ITGA1: variants seen among roughly 807,000 people sequenced by gnomAD.
ITGA1 encodes the protein integrin alpha-1.
ITGA1 carries 85 observed loss-of-function variants against 145.9 expected under a neutral mutation model. The observed-to-expected ratio is 0.58, with a 90% CI of 0.49 to 0.70. The LOEUF (loss-of-function observed/expected upper bound fraction) is 0.70, where lower values mean the gene tolerates loss of function less well. ITGA1 is among the 30% of genes least tolerant of loss of function. The probability of loss-of-function intolerance (pLI) is 0.00; values close to 1 mark genes in which losing one functional copy is unlikely to be tolerated. For missense variants in ITGA1, 1,351 were observed against 1,418.7 expected (o/e 0.95, Z 0.77); for synonymous variants, 520 against 495.3 (o/e 1.05, Z -0.66).
Position 52,788,466 on chromosome 5 carries a change from G to A in ITGA1, c.61+52G>A, listed in dbSNP as rs7705797. The A allele has an allele frequency of 0.016, 21,495 of 1,386,032 alleles. 2,638 individuals carry two copies. The African/African-American group carries it at 0.28, about 18-fold the overall frequency. 85.9% of individuals were successfully genotyped at this position (1,386,032 alleles called of 1,614,324 possible). A position where few individuals can be genotyped will look rare whatever the true frequency, so the allele number is the denominator to read the frequency against. On this transcript the variant is annotated intron_variant, in intron 1 of 28. Coordinates refer to ENST00000282588, the MANE Select transcript of ITGA1 (RefSeq NM_181501.2). ...TCTCCTGCTCGCGGGCTTGGGGCTTGGAGCGGGGAGGGAGGTCCTCAGAGC... is the reference window on the plus strand; with the variant it reads ...TCTCCTGCTCGCGGGCTTGGGGCTTAGAGCGGGGAGGGAGGTCCTCAGAGC...
At chr5:52,845,821 C>A (rs998636711) in intron 1 of ITGA1, among the ~76,000 whole-genome samples, 3 of 152,154 alleles carry the variant, frequency 2.0e-5, no homozygotes, top group African/African-American at 7.2e-5. Context: ...TTATTTTATG[C>A]ATTTCTTGTA....
At chr5:52,853,417 T>C (rs749403389) in intron 2 of ITGA1, among the ~76,000 whole-genome samples, 6 of 152,194 alleles carry the variant, frequency 3.9e-5, no homozygotes, top group Non-Finnish European at 8.8e-5. Context: ...TTTTGTTATT[T>C]AATTATCTCT....
At chr5:52,851,393 T>C (rs1325848287) in intron 2 of ITGA1, among the ~76,000 whole-genome samples, 1 of 152,168 alleles carries the variant, frequency 6.6e-6, no homozygotes, top group African/African-American at 2.4e-5. Flanking sequence ...TATCCTATTG[T>C]GAGATTTCCA....
chr5:52,911,502 GATACACTATATATAGT>G (rs2111853882), intron 14 of ITGA1, among the ~76,000 whole-genome samples: 1 of 105,858 alleles, frequency 9.4e-6, no homozygotes, highest in African/African-American at 3.4e-5. Flanking sequence ...ATATATAGTA[GATACACTATATATAGT>G]ATATATATCT....
intron 1 of ITGA1, among the ~76,000 whole-genome samples, chr5:52,795,133 A>G (rs540582440): frequency 6.6e-6 from 1 of 152,002 alleles, no homozygotes; most frequent in Non-Finnish European, 1.5e-5. Context: ...TCTGAATTAA[A>G]GAAAAATTAA....
rs778070999 is a variant in ITGA1 at position 52,937,459 on chromosome 5, A to G, written c.3023A>G (p.Asn1008Ser). 65 of 1,613,726 alleles carry G rather than the reference A, an allele frequency of 4.0e-5. No homozygotes were observed. The highest frequency in any genetic ancestry group is 5.2e-5 in the Non-Finnish European group (61 of 1,179,788). ...CTTAAGCTGTCAATTTCATTCCCCAATATGACATCAAATGGTTACCCTGTG... is the reference window on the plus strand; with the variant it reads ...CTTAAGCTGTCAATTTCATTCCCCAGTATGACATCAAATGGTTACCCTGTG... Reference protein sequence around the residue: ...PELKLSISFPNMTSNGYPVLY... With the variant: ...PELKLSISFPSMTSNGYPVLY... Residue 1008 changes from asparagine to serine, a missense_variant, in exon 24 of 29, where the codon AAT (asparagine) becomes AGT (serine). By Grantham distance (46) the Asn-to-Ser change is conservative (BLOSUM62 1). Transcript: ENST00000282588.
chr5:52,910,495 C>T, intron 14 of ITGA1, 76 bp downstream of exon 14: 1 of 1,463,888 alleles, frequency 6.8e-7, no homozygotes, highest in East Asian at 2.3e-5. Context: ...TGTCTAACTT[C>T]ATGAGTTATT....
At chr5:52,895,426 C>A (rs1014263323) in intron 9 of ITGA1, among the ~76,000 whole-genome samples, 11 of 152,084 alleles carry the variant, frequency 7.2e-5, no homozygotes, top group Admixed American at 7.2e-4. Context: ...CTTGGCTGGC[C>A]TTAAGGAAAA....
intron 15 of ITGA1, among the ~76,000 whole-genome samples, chr5:52,915,928 A>G (rs1750640250): frequency 6.6e-6 from 1 of 152,210 alleles, no homozygotes; most frequent in Admixed American, 6.5e-5. Flanking sequence ...TTGGTTGCTT[A>G]CAAGGTTTTA....
At chr5:52,897,558 T>A in intron 10 of ITGA1, 30 bp downstream of exon 10, 1 of 1,573,988 alleles carries the variant, frequency 6.4e-7, no homozygotes, top group South Asian at 1.1e-5. Context: ...AAAAATGAAA[T>A]ATATGTTTGC....
chr5:52,863,843 T>A (rs1052779903), intron 3 of ITGA1: 2 of 152,214 alleles, frequency 1.3e-5, no homozygotes, highest in African/African-American at 4.8e-5. Flanking sequence ...TTATACAAGA[T>A]CAATGCATAC....
At chr5:52,808,118 C>T (rs556011135) in intron 1 of ITGA1, among the ~76,000 whole-genome samples, 7 of 152,206 alleles carry the variant, frequency 4.6e-5, no homozygotes, top group African/African-American at 1.2e-4. Context: ...TTCACTGGGA[C>T]TTGAGGATGT....
rs778434428 is a variant in ITGA1 at position 52,929,694 on chromosome 5, G to A, written c.2764G>A (p.Ala922Thr). Residue 922 changes from alanine (A) to threonine (T), a missense_variant, in exon 21 of 29, where the codon GCA (alanine) becomes ACA (threonine). Coordinates refer to ENST00000282588, the MANE Select transcript of ITGA1 (RefSeq NM_181501.2). ...GGAAAATGTGACCATTTATTTAAGTGCAACAAGGTTGGTTTACATGTGTAT... is the reference window on the plus strand; with the variant it reads ...GGAAAATGTGACCATTTATTTAAGTACAACAAGGTTGGTTTACATGTGTAT... ...LMENVTIYLS[A>T]TSDSEEPPET... The A allele has an allele frequency of 5.1e-6, 8 of 1,579,248 alleles. No individual in the cohort carries two copies. The highest frequency in any genetic ancestry group is 1.7e-4 in the Middle Eastern group (1 of 6,000).
chr5:52,801,318 T>C, intron 1 of ITGA1: 1 of 1,194,474 alleles, frequency 8.4e-7, no homozygotes, highest in South Asian at 1.5e-5. Flanking sequence ...ATATGAAGCC[T>C]TACTAGCGCT....
At chr5:52,797,429 C>G (rs1214263417) in intron 1 of ITGA1, among the ~76,000 whole-genome samples, 1 of 151,084 alleles carries the variant, frequency 6.6e-6, no homozygotes, top group East Asian at 1.9e-4. Flanking sequence ...AGATCTTTCT[C>G]TAAGAGTATG....
chr5:52,841,478 A>G (rs1350101608), intron 1 of ITGA1, among the ~76,000 whole-genome samples: 3 of 152,194 alleles, frequency 2.0e-5, no homozygotes, highest in African/African-American at 7.2e-5. Flanking sequence ...TTCAGATTTC[A>G]AACCAACTAG....
intron 13 of ITGA1, 57 bp from the exon 14 acceptor site, chr5:52,910,105 C>A (rs1750479464): frequency 1.3e-6 from 2 of 1,489,494 alleles, no homozygotes; most frequent in Non-Finnish European, 1.8e-6. Context: ...TTTAAAAATT[C>A]TACTCTGCTG....
chr5:52,916,731 C>T (rs1240941931), intron 15 of ITGA1, among the ~76,000 whole-genome samples: 1 of 152,140 alleles, frequency 6.6e-6, no homozygotes, highest in Admixed American at 6.5e-5. Flanking sequence ...GGCTCAAAAC[C>T]AGAAGTCAGC....
At position 52,820,487 on chromosome 5, in the gene ITGA1, C is replaced by T. The variant is rs562140033; in HGVS notation, c.62-28878C>T. Among the ~76,000 whole-genome samples the T allele has an allele frequency of 6.5e-3, 960 of 146,588 alleles. 11 individuals are homozygous for T. Among genetic ancestry groups the T allele is most frequent in the African/African-American group, 0.023 (919 of 39,424 alleles). The stretch of plus-strand genomic sequence containing the variant: ...TGTATACATATGTAACAAACCTGCA[C>T]GTTGTGCACATGTACCCTAAAACTT... On this transcript the variant is annotated intron_variant, in intron 1 of 28. Coordinates refer to ENST00000282588, the MANE Select transcript of ITGA1 (RefSeq NM_181501.2).
Sources: allele counts gnomAD v4.1 joint callset (sites outside exome capture counted in the v4.1 genomes callset), GRCh38; gene constraint gnomAD v4.1.1; transcripts MANE v1.5; gene names NCBI Gene and HGNC (gene_info 2026-07-23, HGNC 2026-07-21).